Variants in LLGL2 observed in about 807,000 individuals in gnomAD.
The protein encoded by LLGL2 is LLGL scribble cell polarity complex component 2, also known as LLGL2, scribble cell polarity complex component.
LLGL2 carries 81 observed loss-of-function variants against 123.2 expected under a neutral mutation model. The ratio of observed to expected loss-of-function variants is 0.66; its 90% CI spans 0.55 to 0.79. LLGL2 has a LOEUF of 0.79. Ranked by LOEUF, LLGL2 falls within the 30% of genes least tolerant of loss-of-function variation. LLGL2 has a pLI of 0.00. For synonymous variants in LLGL2, 577 were observed against 594.1 expected (o/e 0.97, Z 0.42); for missense variants, 1,273 against 1,414.6 (o/e 0.90, Z 1.61).
chr17:75,562,952 C>T (rs1168953509), intron 6 of LLGL2, 64 bp from the exon 7 acceptor site: 5 of 1,585,170 alleles, frequency 3.2e-6, no homozygotes, highest in African/African-American at 2.7e-5. Context: ...CATGGCTGTG[C>T]CATGCTGGGG....
At chr17:75,563,939 G>A (rs1225958112) in intron 9 of LLGL2, 133 bp downstream of exon 9, 15 of 881,072 alleles carry the variant, frequency 1.7e-5, no homozygotes, top group South Asian at 1.7e-4. Context: ...TGGACACCAG[G>A]GAGGGGAGAC....
rs139384077 is a variant in LLGL2, at chr17:75,564,333, C to T, written c.882-20C>T. On this transcript the variant is annotated intron_variant, in intron 9 of 25. Coordinates refer to ENST00000392550, the MANE Select transcript of LLGL2 (RefSeq NM_001031803.2). This position sits in a 1 kb window ranked among gnomAD's most constrained non-coding sequence, Gnocchi z 4.9. ...TGTGCCAGGAGCCCCAGCCCACTGC[C>T]GCTCCTCTGTGCCTGCCAGGTTGCC... 104 of 1,591,764 alleles carry T rather than the reference C, an allele frequency of 6.5e-5. No homozygotes were observed. The highest frequency in any genetic ancestry group is 8.0e-5 in the African/African-American group (6 of 74,898).
At position 75,549,518 on chromosome 17, in the gene LLGL2, G is replaced by A. The variant is rs1404301014; in HGVS notation, c.75+6017G>A. ...TCCTGACCCAGCAGCCCCTGCGGAG[G>A]GCCAGGTTGTTCTGTATTGGCTTTC... On this transcript the variant is annotated intron_variant, in intron 2 of 25. Transcript: ENST00000392550. This position sits in a 1 kb window ranked among gnomAD's most constrained non-coding sequence, Gnocchi z 4.0. 6.6e-6 allele frequency among the ~76,000 whole-genome samples: 1 copy of A among 152,204 alleles called. No individual in the cohort carries two copies. The highest frequency in any genetic ancestry group is 1.5e-5 in the Non-Finnish European group (1 of 68,024).
Position 75,574,469 on chromosome 17 carries a change from C to T in LLGL2, c.2970C>T (p.Ile990=). ...GGCCTGCAGGAGTCCTGAAGGAAAT[C>T]CAGAGCACACTGGAGGGAGACCGCG... ...LLSDERVLKE[I]QSTLEGDRGS... The change falls in exon 24 of 26, where the codon ATC becomes ATT. Residue 990 remains isoleucine, a synonymous_variant. Coordinates refer to ENST00000392550, the MANE Select transcript of LLGL2 (RefSeq NM_001031803.2). 1 of 1,552,980 alleles carries T rather than the reference C, an allele frequency of 6.4e-7. No individual in the cohort carries two copies. Among genetic ancestry groups the T allele is most frequent in the Non-Finnish European group, 8.7e-7 (1 of 1,149,560 alleles).
At chr17:75,548,243 G>A (rs2054511269) in intron 2 of LLGL2, among the ~76,000 whole-genome samples, 1 of 150,788 alleles carries the variant, frequency 6.6e-6, no homozygotes, top group South Asian at 2.1e-4. Context: ...CTTTGTGGAT[G>A]TAAATTTATT....
Position 75,574,995 on chromosome 17 carries a change from C to T in LLGL2, c.*117C>T, listed in dbSNP as rs1049816702. Reference sequence around the variant, plus strand: ...GGCCCCGCCAGGGGCTGGGGGCATCCCGGCTTCCACAATGCAGCTGCTCTG... The same window carrying T: ...GGCCCCGCCAGGGGCTGGGGGCATCTCGGCTTCCACAATGCAGCTGCTCTG... On this transcript the variant is annotated 3_prime_UTR_variant, in exon 26 of 26. Coordinates refer to ENST00000392550, the MANE Select transcript of LLGL2 (RefSeq NM_001031803.2). The T allele has an allele frequency of 1.4e-6, 2 of 1,440,822 alleles. No homozygotes were observed. Among genetic ancestry groups the T allele is most frequent in the South Asian group, 1.1e-5 (1 of 87,688 alleles). The allele number at this position is 1,440,822 out of a possible 1,614,324, so 89.3% of individuals were successfully genotyped here.
At chr17:75,526,795 G>A (rs1418016612) in intron 1 of LLGL2, among the ~76,000 whole-genome samples, 1 of 152,148 alleles carries the variant, frequency 6.6e-6, no homozygotes, top group East Asian at 1.9e-4. Context: ...GTGTGTCAAG[G>A]TGACAAGGAA....
chr17:75,567,544 C>T (rs539986807), intron 10 of LLGL2, among the ~76,000 whole-genome samples: 1 of 152,066 alleles, frequency 6.6e-6, no homozygotes, highest in Non-Finnish European at 1.5e-5. Flanking sequence ...GAAGCTGAGG[C>T]AGGAGAATCG....
intron 1 of LLGL2, among the ~76,000 whole-genome samples, chr17:75,534,543 C>T (rs577356342): frequency 1.3e-5 from 2 of 152,180 alleles, no homozygotes; most frequent in Admixed American, 1.3e-4. Context: ...CACAGTGGTG[C>T]CATCATAGCT....
intron 6 of LLGL2, 56 bp from the exon 7 acceptor site, chr17:75,562,960 G>T: frequency 6.3e-7 from 1 of 1,596,376 alleles, no homozygotes. Context: ...TGCCATGCTG[G>T]GGGCCATTCC....
intron 2 of LLGL2, among the ~76,000 whole-genome samples, chr17:75,553,922 C>T (rs2054787586): frequency 6.6e-6 from 1 of 152,116 alleles, no homozygotes; most frequent in Non-Finnish European, 1.5e-5. Context: ...GGATTGCAAA[C>T]CCTCTAGCAA....
chr17:75,566,313 ATC>A (rs1188735513), intron 10 of LLGL2, among the ~76,000 whole-genome samples: 4 of 152,192 alleles, frequency 2.6e-5, no homozygotes, highest in Admixed American at 6.5e-5. Context: ...CTCCAGAAGG[ATC>A]TGTCTGGCTG....
At chr17:75,543,360 C>A in intron 1 of LLGL2, 37 bp from the exon 2 acceptor site, 1 of 1,469,138 alleles carries the variant, frequency 6.8e-7, no homozygotes, top group Non-Finnish European at 9.3e-7. Context: ...TACCTGAGTG[C>A]CAGGACAGAC....
intron 10 of LLGL2, among the ~76,000 whole-genome samples, chr17:75,566,388 C>G (rs1032816011): frequency 9.9e-5 from 15 of 152,188 alleles, no homozygotes; most frequent in African/African-American, 3.6e-4. Context: ...GGAGAGGTGA[C>G]CTCAGCTTGG....
At chr17:75,555,830 C>T (rs1033235539) in intron 2 of LLGL2, among the ~76,000 whole-genome samples, 2 of 152,122 alleles carry the variant, frequency 1.3e-5, no homozygotes. Context: ...GATCAGCTCG[C>T]AGGGGTGGCC....
chr17:75,550,347 C>A (rs2054609660), intron 2 of LLGL2, among the ~76,000 whole-genome samples: 1 of 152,062 alleles, frequency 6.6e-6, no homozygotes, highest in Non-Finnish European at 1.5e-5. Context: ...CTAACAGGGA[C>A]CTGGAACTGT....
At chr17:75,548,522 G>A (rs768667174) in intron 2 of LLGL2, among the ~76,000 whole-genome samples, 5 of 152,024 alleles carry the variant, frequency 3.3e-5, no homozygotes, top group Admixed American at 6.6e-5. Flanking sequence ...AGAAGTGGCC[G>A]GGCGCCGTGT....
rs202100751 is a variant in LLGL2, at chr17:75,573,034, G to A, written c.2481G>A (p.Val827=). The part of the protein sequence containing the change: ...EQFKVFTLPK[V]SAKLKLKLTA... ...CCCAGGTGTTCACGCTGCCCAAGGT[G>A]AGTGCCAAGCTGAAGTTGAAGCTGA... Residue 827 remains valine, a synonymous_variant, in exon 20 of 26, where the codon GTG becomes GTA. Coordinates refer to ENST00000392550, the MANE Select transcript of LLGL2 (RefSeq NM_001031803.2). 28 of 1,609,984 alleles carry A rather than the reference G, an allele frequency of 1.7e-5. 1 individual carries two copies. The Admixed American group carries it at 3.0e-4, about 17-fold the overall frequency.
At chr17:75,526,235 C>T (rs896435272) in intron 1 of LLGL2, among the ~76,000 whole-genome samples, 1 of 151,952 alleles carries the variant, frequency 6.6e-6, no homozygotes. Context: ...GGGCGGCGGC[C>T]GGAGCGCGGT....
Sources: allele counts gnomAD v4.1 joint callset (sites outside exome capture counted in the v4.1 genomes callset), GRCh38; gene constraint gnomAD v4.1.1; non-coding constraint Gnocchi (gnomAD v3.1); transcripts MANE v1.5; gene names NCBI Gene and HGNC (gene_info 2026-07-23, HGNC 2026-07-21).